PUDP: variants seen among roughly 807,000 people sequenced by gnomAD.
PUDP encodes the protein pseudouridine-5'-phosphatase.
PUDP carries 8 observed loss-of-function variants against 9.4 expected under a neutral mutation model. The ratio of observed to expected loss-of-function variants is 0.85; its 90% CI spans 0.50 to 1.53. The LOEUF is 1.53. Ranked by LOEUF, PUDP falls within the 40% of genes most tolerant of loss-of-function variation. The pLI, the probability that PUDP is intolerant of heterozygous loss-of-function variation, is 0.00. For missense variants in PUDP, 188 were observed against 189.7 expected, an observed-to-expected ratio of 0.99 and a Z score of 0.05; for synonymous variants, 99 against 80.7, an observed-to-expected ratio of 1.23 and a Z score of -1.22.
At chrX:6,731,739 G>GGTAA (rs1555908033) in intron 3 of PUDP, among the ~76,000 whole-genome samples, 31 of 89,542 alleles carry the variant, frequency 3.5e-4, no homozygotes, top group African/African-American at 1.4e-3. Flanking sequence ...AAAAGAAGGA[G>GGTAA]GGAAGGAAGG....
chrX:7,052,619 T>G lies in PUDP; in HGVS notation c.511-2147A>C, dbSNP rs1021336359. Among the ~76,000 whole-genome samples the G allele has an allele frequency of 2.7e-5, 3 of 112,123 alleles. No individual in the cohort carries two copies. The Admixed American group carries it at 2.8e-4, about 11-fold the overall frequency. On this transcript the variant is annotated intron_variant, in intron 3 of 3. Coordinates refer to ENST00000381077, the MANE Select transcript of PUDP (RefSeq NM_012080.5). ...TCTTTCCTTCAATCTGGGGCTAAAA[T>G]ATCATATTAGCCAACTTATCCCAAC...
intron 3 of PUDP, among the ~76,000 whole-genome samples, chrX:7,059,964 C>T (rs778874423): frequency 8.9e-5 from 10 of 111,898 alleles, no homozygotes; most frequent in Non-Finnish European, 1.7e-4. Context: ...ATTCATTGGA[C>T]CTGGAGGGGA....
At chrX:7,065,839 T>C (rs774658238) in intron 3 of PUDP, among the ~76,000 whole-genome samples, 2 of 112,145 alleles carry the variant, frequency 1.8e-5, no homozygotes, top group Admixed American at 9.4e-5. Flanking sequence ...GTGCTACTTA[T>C]GGGTCACGTG....
chrX:7,067,439 T>C (rs1930596093), intron 3 of PUDP, among the ~76,000 whole-genome samples: 1 of 111,916 alleles, frequency 8.9e-6, no homozygotes, highest in African/African-American at 3.2e-5. Context: ...CTGTAAGCCC[T>C]GGAAACCAGT....
intron 3 of PUDP, among the ~76,000 whole-genome samples, chrX:6,882,323 T>G (rs1395497249): frequency 8.9e-6 from 1 of 111,967 alleles, no homozygotes; most frequent in African/African-American, 3.2e-5. Context: ...ACCAACCTAA[T>G]AGCTAAGCAC....
chrX:6,771,271 G>A (rs1356014569), intron 3 of PUDP, among the ~76,000 whole-genome samples: 5 of 111,658 alleles, frequency 4.5e-5, no homozygotes, highest in East Asian at 2.8e-4. Context: ...ACACCTGCAC[G>A]TCCATGGCCT....
At chrX:6,726,708 T>A (rs1924742174) in intron 3 of PUDP, among the ~76,000 whole-genome samples, 1 of 111,711 alleles carries the variant, frequency 9.0e-6, no homozygotes, top group Non-Finnish European at 1.9e-5. Flanking sequence ...CCAAGGGAGA[T>A]TTTTTTAATG....
chrX:6,754,326 CCTTTG>C (rs889403399), intron 3 of PUDP, among the ~76,000 whole-genome samples: 1 of 111,264 alleles, frequency 9.0e-6, no homozygotes, highest in African/African-American at 3.3e-5. Context: ...CTTTGCTCCT[CCTTTG>C]CCTCCCGCCA....
At chrX:6,911,216 G>C (rs1334581638) in intron 3 of PUDP, among the ~76,000 whole-genome samples, 1 of 99,422 alleles carries the variant, frequency 1.0e-5, no homozygotes, top group Non-Finnish European at 2.0e-5. Flanking sequence ...TTTTTTTTGA[G>C]ACAGAGCCTC....
intron 3 of PUDP, among the ~76,000 whole-genome samples, chrX:6,854,972 C>T (rs965030491): frequency 1.8e-5 from 2 of 111,692 alleles, no homozygotes; most frequent in East Asian, 2.8e-4. Context: ...AAAATTGACA[C>T]CTTGGTATAA....
At chrX:6,719,373 C>A (rs1924635467) in intron 1 of PUDP, among the ~76,000 whole-genome samples, 1 of 111,954 alleles carries the variant, frequency 8.9e-6, no homozygotes, top group Non-Finnish European at 1.9e-5. Flanking sequence ...TCTCCAAATA[C>A]AGTCACATTG....
At chrX:6,816,016 G>A (rs1241743232) in intron 3 of PUDP, among the ~76,000 whole-genome samples, 1 of 105,423 alleles carries the variant, frequency 9.5e-6, no homozygotes, top group African/African-American at 3.4e-5. Context: ...ATATTTTTGA[G>A]ACAGTATATA....
At chrX:6,952,380 G>A (rs765000791) in intron 3 of PUDP, among the ~76,000 whole-genome samples, 72 of 111,936 alleles carry the variant, frequency 6.4e-4, no homozygotes, top group Non-Finnish European at 1.3e-3. Context: ...AAGCACATTC[G>A]TCAAAACTAT....
chrX:6,763,332 T>C (rs1427495374), intron 3 of PUDP, among the ~76,000 whole-genome samples: 2 of 111,866 alleles, frequency 1.8e-5, no homozygotes, highest in Non-Finnish European at 3.8e-5. Context: ...GAGGTTGCAG[T>C]GAGCAAAGAT....
chrX:6,740,347 T>C (rs1223140928), intron 3 of PUDP, among the ~76,000 whole-genome samples: 3 of 112,145 alleles, frequency 2.7e-5, no homozygotes, highest in Non-Finnish European at 5.6e-5. Context: ...TGTCATGGAA[T>C]AGACACTTCT....
chrX:6,807,519 C>T (rs1049547848), intron 3 of PUDP, among the ~76,000 whole-genome samples: 1 of 112,240 alleles, frequency 8.9e-6, no homozygotes, highest in Non-Finnish European at 1.9e-5. Flanking sequence ...TAACTATGTC[C>T]CTGCCTATCC....
At chrX:6,835,152 G>A (rs1926562771) in intron 3 of PUDP, among the ~76,000 whole-genome samples, 1 of 111,027 alleles carries the variant, frequency 9.0e-6, no homozygotes, top group Non-Finnish European at 1.9e-5. Flanking sequence ...ATGAAGAAAG[G>A]CAGCCAGAAC....
chrX:6,992,269 C>CTTTTTT (rs750888246), intron 1 of PUDP, among the ~76,000 whole-genome samples: 2 of 62,602 alleles, frequency 3.2e-5, no homozygotes, highest in Non-Finnish European at 5.9e-5. Context: ...TTCAGGGTGT[C>CTTTTTT]TTTTTTTTTT....
At chrX:7,145,341 T>A (rs1932837506) in intron 1 of PUDP, among the ~76,000 whole-genome samples, 1 of 111,878 alleles carries the variant, frequency 8.9e-6, no homozygotes, top group Non-Finnish European at 1.9e-5. Flanking sequence ...CAACAAACTG[T>A]CTTCTCTTTT....
Sources: allele counts gnomAD v4.1 joint callset (sites outside exome capture counted in the v4.1 genomes callset), GRCh38; gene constraint gnomAD v4.1.1; transcripts MANE v1.5; gene names NCBI Gene and HGNC (gene_info 2026-07-23, HGNC 2026-07-21).